The following NR3C2 variants were observed in gnomAD, a reference collection of about 807,000 sequenced individuals.
NR3C2 encodes nuclear receptor subfamily 3 group C member 2.
A neutral mutation model predicts 86.4 loss-of-function variants in NR3C2; 15 were observed. The observed-to-expected ratio is 0.17, with a 90% confidence interval of 0.12 to 0.27. The LOEUF is 0.27. NR3C2 is among the 10% of genes least tolerant of loss of function. NR3C2 has a pLI of 1.00. For missense variants in NR3C2, 960 were observed against 1,195.6 expected, an observed-to-expected ratio of 0.80 and a Z score of 2.91; for synonymous variants, 458 against 450.5, an observed-to-expected ratio of 1.02 and a Z score of -0.21.
intron 4 of NR3C2, among the ~76,000 whole-genome samples, chr4:148,155,182 T>C (rs1734306633): frequency 6.6e-6 from 1 of 152,196 alleles, no homozygotes; most frequent in South Asian, 2.1e-4. Context: ...AGCTAATATG[T>C]TCAGTATAAC....
In NR3C2 at chr4:148,138,525, A is replaced by C. The variant is rs546355779; in HGVS notation, c.2510+13944T>G. Among the ~76,000 whole-genome samples the C allele has an allele frequency of 2.6e-5, 4 of 152,226 alleles. No individual in the cohort carries two copies. In the South Asian group the frequency reaches 8.3e-4, roughly 32 times the overall value. On this transcript the variant is annotated intron_variant, in intron 6 of 8. Coordinates refer to ENST00000358102, the MANE Select transcript of NR3C2 (RefSeq NM_000901.5). ...CAGCCTCCTGAGTAGCTGGGGCCAC[A>C]GACACATGCCACCACACCTGGCTAA...
chr4:148,358,263 C>T (rs1029716499), intron 2 of NR3C2, among the ~76,000 whole-genome samples: 4 of 152,136 alleles, frequency 2.6e-5, no homozygotes, highest in Non-Finnish European at 5.9e-5. Context: ...AAATGTGGCA[C>T]ATATATACCA....
intron 6 of NR3C2, among the ~76,000 whole-genome samples, chr4:148,134,454 A>C (rs1009087851): frequency 6.6e-6 from 1 of 152,132 alleles, no homozygotes; most frequent in African/African-American, 2.4e-5. Flanking sequence ...GGTAAAAGTG[A>C]CATTTTCTAA....
At chr4:148,403,555 T>C (rs1212005512) in intron 2 of NR3C2, among the ~76,000 whole-genome samples, 1 of 152,124 alleles carries the variant, frequency 6.6e-6, no homozygotes, top group Non-Finnish European at 1.5e-5. Flanking sequence ...ATTTTATTTC[T>C]GAATATTTTT....
intron 2 of NR3C2, among the ~76,000 whole-genome samples, chr4:148,376,187 CA>C (rs1228493138): frequency 1.4e-4 from 20 of 146,796 alleles, no homozygotes; most frequent in African/African-American, 4.7e-4. Flanking sequence ...GCATTTTAAC[CA>C]CAACAACTGT....
At chr4:148,433,919 A>T (rs1408534318) in intron 2 of NR3C2, among the ~76,000 whole-genome samples, 2 of 152,194 alleles carry the variant, frequency 1.3e-5, no homozygotes, top group East Asian at 3.8e-4. Context: ...TGCTGTGGGG[A>T]AACTATAAAA....
Position 148,270,374 on chromosome 4 carries a change from C to G in NR3C2, c.1758-10257G>C, listed in dbSNP as rs566700530. Among the ~76,000 whole-genome samples the G allele has an allele frequency of 3.3e-5, 5 of 152,226 alleles. No individual in the cohort carries two copies. In the South Asian group the frequency reaches 6.2e-4, roughly 19 times the overall value. On this transcript the variant is annotated intron_variant, in intron 2 of 8. Transcript: ENST00000358102. ...CACCCTCTCTTCTACTTCTCTTACACTAAGTTTTTCACAAAGGATAAAAGG... is the reference window on the plus strand; with the variant it reads ...CACCCTCTCTTCTACTTCTCTTACAGTAAGTTTTTCACAAAGGATAAAAGG...
upstream of NR3C2, chr4:148,443,985 A>C (rs1307574263): frequency 1.0e-6 from 1 of 984,868 alleles, no homozygotes; most frequent in Non-Finnish European, 1.2e-6. Context: ...CTCGGTCCCC[A>C]GCTTGGAGCT....
At chr4:148,094,715 C>CA (rs560353672) in intron 8 of NR3C2, among the ~76,000 whole-genome samples, 128 of 103,420 alleles carry the variant, frequency 1.2e-3, no homozygotes, top group South Asian at 5.8e-3. Context: ...AACTCCATCT[C>CA]AAAAAAAAAA....
At chr4:148,129,518 A>G (rs1333260941) in intron 6 of NR3C2, among the ~76,000 whole-genome samples, 2 of 152,330 alleles carry the variant, frequency 1.3e-5, no homozygotes, top group African/African-American at 4.8e-5. Context: ...GTATTTTTTT[A>G]TCACAACTAA....
intron 8 of NR3C2, among the ~76,000 whole-genome samples, chr4:148,089,030 T>C (rs1412122537): frequency 6.6e-6 from 1 of 152,178 alleles, no homozygotes; most frequent in African/African-American, 2.4e-5. Flanking sequence ...AAAATAACTC[T>C]ATAGTTTAAT....
intron 2 of NR3C2, among the ~76,000 whole-genome samples, chr4:148,333,562 G>T (rs1217382998): frequency 6.9e-6 from 1 of 144,712 alleles, no homozygotes. Context: ...ATTGGAGAAT[G>T]AAAAGTTGGA....
chr4:148,430,040 A>G (rs1277669925), intron 2 of NR3C2, among the ~76,000 whole-genome samples: 1 of 152,206 alleles, frequency 6.6e-6, no homozygotes, highest in East Asian at 1.9e-4. Context: ...GGTGATCAAT[A>G]TAACATCTGC....
chr4:148,154,881 C>T lies in NR3C2; in HGVS notation c.2035G>A (p.Gly679Arg). Reference sequence around the variant, plus strand: ...TCCTCGTGAATCCCTTTTAACTTTCCCAACTTCTTTGACTTTCGTGCTATA... The same window carrying T: ...TCCTCGTGAATCCCTTTTAACTTTCTCAACTTCTTTGACTTTCGTGCTATA... ...NLGARKSKKL[G>R]KLKGIHEEQP... is the part of the protein sequence containing the mutation. The change falls in exon 5 of 9, where the codon GGA becomes AGA. Residue 679 changes from glycine (G) to arginine (R), a missense_variant. Physicochemically the swap from Gly to Arg is moderately radical, Grantham distance 125. Transcript: ENST00000358102. 1.3e-6 allele frequency: 2 copies of T among 1,566,104 alleles called. No individual in the cohort carries two copies. Among genetic ancestry groups the T allele is most frequent in the Admixed American group, 1.9e-5 (1 of 52,878 alleles).
chr4:148,138,092 C>T (rs557415449), intron 6 of NR3C2, among the ~76,000 whole-genome samples: 26 of 152,194 alleles, frequency 1.7e-4, no homozygotes, highest in South Asian at 2.1e-4. Flanking sequence ...GCTTTGAGAG[C>T]GTAAAGGGTC....
At chr4:148,326,533 A>G (rs1232152491) in intron 2 of NR3C2, among the ~76,000 whole-genome samples, 1 of 152,164 alleles carries the variant, frequency 6.6e-6, no homozygotes, top group Non-Finnish European at 1.5e-5. Flanking sequence ...GAGAAAAGGA[A>G]AAGGTGACAC....
intron 2 of NR3C2, among the ~76,000 whole-genome samples, chr4:148,345,074 T>C (rs1744925814): frequency 6.6e-6 from 1 of 152,168 alleles, no homozygotes. Flanking sequence ...AATCTCAATT[T>C]GCTTTGCTTT....
At chr4:148,101,822 A>G (rs1731551538) in intron 8 of NR3C2, among the ~76,000 whole-genome samples, 1 of 152,220 alleles carries the variant, frequency 6.6e-6, no homozygotes, top group African/African-American at 2.4e-5. Flanking sequence ...AAGAGCCATC[A>G]TTCTCTTCTA....
intron 8 of NR3C2, among the ~76,000 whole-genome samples, chr4:148,100,173 C>T (rs543063162): frequency 1.3e-5 from 2 of 152,090 alleles, no homozygotes; most frequent in African/African-American, 4.8e-5. Flanking sequence ...GATCAAACAC[C>T]GCTTTTAATT....
Sources: gnomAD v4.1 joint callset for allele counts (sites outside exome capture counted in the v4.1 genomes callset) on GRCh38, gnomAD v4.1.1 for gene constraint, MANE v1.5 for transcripts, NCBI Gene and HGNC (gene_info 2026-07-23, HGNC 2026-07-21) for gene names.